Variants in MECOM observed in about 807,000 individuals in gnomAD.
The protein encoded by MECOM is histone-lysine N-methyltransferase MECOM.
A neutral mutation model predicts 116.3 loss-of-function variants in MECOM; 13 were observed. The ratio of observed to expected loss-of-function variants is 0.11; its 90% CI spans 0.07 to 0.18. The LOEUF (loss-of-function observed/expected upper bound fraction) is 0.18, where lower values mean the gene tolerates loss of function less well. Ranked by LOEUF, MECOM falls within the 10% of genes least tolerant of loss-of-function variation. The pLI is 1.00. For synonymous variants in MECOM, 528 were observed against 535.2 expected, an observed-to-expected ratio of 0.99 and a Z score of 0.19; for missense variants, 1,299 against 1,509.0, an observed-to-expected ratio of 0.86 and a Z score of 2.31.
intron 13 of MECOM, among the ~76,000 whole-genome samples, chr3:169,094,155 A>T (rs141557812): frequency 6.6e-6 from 1 of 152,292 alleles, no homozygotes; most frequent in East Asian, 1.9e-4. Flanking sequence ...TTTAAGTACT[A>T]ATCAGACAAG....
chr3:169,314,734 C>T (rs1032843497), intron 2 of MECOM, among the ~76,000 whole-genome samples: 2 of 151,902 alleles, frequency 1.3e-5, no homozygotes, highest in Non-Finnish European at 2.9e-5. Context: ...AAGCATTGGC[C>T]GCAGAAACTG....
chr3:169,470,897 T>G (rs1406571234), intron 1 of MECOM, among the ~76,000 whole-genome samples: 1 of 152,154 alleles, frequency 6.6e-6, no homozygotes, highest in Non-Finnish European at 1.5e-5. Context: ...TTTATTACAA[T>G]AAGGCACACT....
chr3:169,086,409 G>GA, intron 16 of MECOM: 1 of 606,700 alleles, frequency 1.6e-6, no homozygotes, highest in South Asian at 2.2e-5. Context: ...AGAGTACTCT[G>GA]AAAGAGTTAA....
At chr3:169,220,974 CGAA>C (rs1333514835) in intron 2 of MECOM, among the ~76,000 whole-genome samples, 9 of 152,008 alleles carry the variant, frequency 5.9e-5, no homozygotes, top group African/African-American at 1.9e-4. Flanking sequence ...GGAAGAAAAT[CGAA>C]GAAGAAGATT....
chr3:169,179,114 A>C (rs552312081), intron 2 of MECOM, among the ~76,000 whole-genome samples: 7 of 152,340 alleles, frequency 4.6e-5, no homozygotes, highest in African/African-American at 1.7e-4. Context: ...TTTTTAAGAA[A>C]TATTCACTCT....
At position 169,306,918 on chromosome 3, in the gene MECOM, G is replaced by C. The variant is rs576059660; in HGVS notation, c.375+74269C>G. On this transcript the variant is annotated intron_variant, in intron 2 of 16. Coordinates refer to ENST00000651503, the MANE Select transcript of MECOM (RefSeq NM_004991.4). ...TCACAGCTTTAAATATCATATGGAAGTTGATGACTCCCAAACTCTTATCTC... is the reference window on the plus strand; with the variant it reads ...TCACAGCTTTAAATATCATATGGAACTTGATGACTCCCAAACTCTTATCTC... Among the ~76,000 whole-genome samples, 11 of 152,286 alleles carry C rather than the reference G, an allele frequency of 7.2e-5. No homozygotes were observed. In the South Asian group the frequency reaches 2.3e-3, roughly 32 times the overall value.
At chr3:169,384,396 A>G (rs1302354292) in intron 1 of MECOM, among the ~76,000 whole-genome samples, 1 of 152,212 alleles carries the variant, frequency 6.6e-6, no homozygotes, top group Non-Finnish European at 1.5e-5. Context: ...AGAGAAGTAT[A>G]CTTTAAGGTC....
Position 169,603,841 on chromosome 3 carries a change from A to G in MECOM, c.37+59495T>C, listed in dbSNP as rs16854156. 0.016 allele frequency among the ~76,000 whole-genome samples: 2,404 copies of G among 152,216 alleles called. 219 individuals carry two copies. The East Asian group carries it at 0.28, about 18-fold the overall frequency. On this transcript the variant is annotated intron_variant, in intron 1 of 16. Coordinates refer to ENST00000651503, the MANE Select transcript of MECOM (RefSeq NM_004991.4). ...CCACGTTTCTCAGAAAGCATTCCCA[A>G]ACATACCCCTGTCATAACTATGCAT... is the stretch of plus-strand genomic sequence containing the variant.
At chr3:169,169,909 A>C (rs1019861502) in intron 2 of MECOM, among the ~76,000 whole-genome samples, 1 of 151,580 alleles carries the variant, frequency 6.6e-6, no homozygotes, top group African/African-American at 2.4e-5. Flanking sequence ...ATGATATCTT[A>C]CTACTGGCCT....
At chr3:169,204,365 C>A (rs1214241258) in intron 2 of MECOM, among the ~76,000 whole-genome samples, 1 of 152,158 alleles carries the variant, frequency 6.6e-6, no homozygotes, top group African/African-American at 2.4e-5. Context: ...TAGACAATAG[C>A]CCCAATTTCC....
intron 2 of MECOM, among the ~76,000 whole-genome samples, chr3:169,299,736 C>G (rs1266091206): frequency 3.6e-4 from 55 of 152,334 alleles, no homozygotes; most frequent in Non-Finnish European, 1.5e-5. Flanking sequence ...TTCATTCAAA[C>G]TGTGTATTCA....
chr3:169,427,161 TG>T (rs1740864150), intron 1 of MECOM, among the ~76,000 whole-genome samples: 1 of 149,526 alleles, frequency 6.7e-6, no homozygotes, highest in Admixed American at 6.6e-5. Flanking sequence ...AATACTAATA[TG>T]TAAACTTTTT....
chr3:169,133,195 A>T (rs1460109759), intron 3 of MECOM, among the ~76,000 whole-genome samples: 1 of 152,174 alleles, frequency 6.6e-6, no homozygotes, highest in Admixed American at 6.5e-5. Flanking sequence ...TTCTTAGAAG[A>T]TATTACTGTT....
At chr3:169,335,028 A>G (rs1322111788) in intron 2 of MECOM, among the ~76,000 whole-genome samples, 1 of 152,176 alleles carries the variant, frequency 6.6e-6, no homozygotes, top group Non-Finnish European at 1.5e-5. Context: ...TGTGGCAAAT[A>G]AGAAAGAAAT....
intron 1 of MECOM, among the ~76,000 whole-genome samples, chr3:169,638,023 T>C (rs1773023892): frequency 1.3e-5 from 2 of 152,166 alleles, no homozygotes; most frequent in Admixed American, 1.3e-4. Context: ...ATCAAGGATG[T>C]CTCTCTGGAG....
chr3:169,657,146 TCTCTGTCCC>T (rs748014969), intron 1 of MECOM, among the ~76,000 whole-genome samples: 2 of 152,250 alleles, frequency 1.3e-5, no homozygotes, highest in Non-Finnish European at 2.9e-5. Flanking sequence ...TCAGTGAGGC[TCTCTGTCCC>T]CTGTAGACCC....
intron 2 of MECOM, among the ~76,000 whole-genome samples, chr3:169,279,052 G>A (rs1417715401): frequency 6.6e-6 from 1 of 152,156 alleles, no homozygotes; most frequent in South Asian, 2.1e-4. Context: ...ACAATTTTAG[G>A]TTAGATTAAG....
At chr3:169,194,629 C>G (rs1272343839) in intron 2 of MECOM, among the ~76,000 whole-genome samples, 1 of 151,940 alleles carries the variant, frequency 6.6e-6, no homozygotes, top group South Asian at 2.1e-4. Context: ...ATCTGGAAAG[C>G]CATATTTGTT....
intron 1 of MECOM, chr3:169,476,955 G>C (rs984069218): frequency 6.6e-6 from 1 of 150,454 alleles, no homozygotes; most frequent in South Asian, 2.1e-4. Flanking sequence ...ATGAGACAAC[G>C]GACTGTGCCA....
Sources: gnomAD v4.1 joint callset for allele counts (sites outside exome capture counted in the v4.1 genomes callset) on GRCh38, gnomAD v4.1.1 for gene constraint, MANE v1.5 for transcripts, NCBI Gene and HGNC (gene_info 2026-07-23, HGNC 2026-07-21) for gene names.